NPEPPS: variants seen among roughly 807,000 people sequenced by gnomAD.
The protein encoded by NPEPPS is aminopeptidase puromycin sensitive, also known as puromycin-sensitive aminopeptidase.
Under a neutral mutation model 115.5 loss-of-function variants are expected in NPEPPS, and 14 were observed. That is an observed-to-expected ratio of 0.12 (90% confidence interval 0.08 to 0.19). NPEPPS has a LOEUF of 0.19. Ranked by LOEUF, NPEPPS falls within the 10% of genes least tolerant of loss-of-function variation. The pLI is 1.00. For missense variants in NPEPPS, 523 were observed against 1,110.8 expected, an observed-to-expected ratio of 0.47 and a Z score of 7.52; for synonymous variants, 285 against 390.6, an observed-to-expected ratio of 0.73 and a Z score of 3.19.
chr17:47,590,056 T>TG (rs1567860575), intron 9 of NPEPPS, among the ~76,000 whole-genome samples: 1 of 152,154 alleles, frequency 6.6e-6, no homozygotes, highest in African/African-American at 2.4e-5. Context: ...TAGGACTGAA[T>TG]GCACTGGCTT....
intron 12 of NPEPPS, among the ~76,000 whole-genome samples, chr17:47,593,209 C>T (rs887221033): frequency 3.3e-5 from 5 of 152,220 alleles, no homozygotes; most frequent in Admixed American, 6.5e-5. Flanking sequence ...AATCAGGACT[C>T]GTTATCCCTT....
intron 17 of NPEPPS, among the ~76,000 whole-genome samples, chr17:47,612,114 T>C (rs1913908792): frequency 6.6e-6 from 1 of 152,248 alleles, no homozygotes; most frequent in Non-Finnish European, 1.5e-5. Flanking sequence ...ATGTGATCTT[T>C]CTTTGAACCT....
chr17:47,603,883 T>G, intron 15 of NPEPPS, 32 bp from the exon 16 acceptor site: 1 of 1,565,102 alleles, frequency 6.4e-7, no homozygotes, highest in Middle Eastern at 1.7e-4. Context: ...TTAATGGAGC[T>G]GTTTAATAGT....
chr17:47,544,659 G>A (rs1415910988), intron 1 of NPEPPS, among the ~76,000 whole-genome samples: 2 of 150,412 alleles, frequency 1.3e-5, no homozygotes, highest in Non-Finnish European at 3.0e-5. Flanking sequence ...TCAGCCCCCT[G>A]AGTAGCTGGA....
chr17:47,571,820 T>C (rs1168757219), intron 3 of NPEPPS, among the ~76,000 whole-genome samples: 1 of 152,204 alleles, frequency 6.6e-6, no homozygotes, highest in Non-Finnish European at 1.5e-5. Context: ...TCTGCTGCAT[T>C]GTCTGGTGAA....
intron 22 of NPEPPS, 84 bp from the exon 23 acceptor site, chr17:47,621,684 G>T: frequency 3.8e-6 from 5 of 1,323,154 alleles, no homozygotes; most frequent in Non-Finnish European, 3.1e-6. Context: ...CCTTCATATA[G>T]ACCAGTGGGT....
intron 2 of NPEPPS, among the ~76,000 whole-genome samples, chr17:47,561,158 C>G (rs770526492): frequency 6.6e-6 from 1 of 151,708 alleles, no homozygotes; most frequent in African/African-American, 2.4e-5. Flanking sequence ...CCTCAGAATA[C>G]CATCTTGTAC....
chr17:47,543,968 C>A (rs1417853660), intron 1 of NPEPPS, among the ~76,000 whole-genome samples: 1 of 151,180 alleles, frequency 6.6e-6, no homozygotes, highest in Non-Finnish European at 1.5e-5. Flanking sequence ...AATCTCCGCT[C>A]ACTGCAAGCT....
rs760897436 is a variant in NPEPPS at position 47,537,883 on chromosome 17, GT to G, written c.255+6339del. Among the ~76,000 whole-genome samples, 152 of 141,860 alleles carry G rather than the reference GT, an allele frequency of 1.1e-3. 1 individual carries two copies. Among genetic ancestry groups the G allele is most frequent in the Middle Eastern group, 3.7e-3 (1 of 272 alleles). 93.1% of individuals were successfully genotyped at this position (141,860 alleles called of 152,430 possible). A position where few individuals can be genotyped will look rare whatever the true frequency, so the allele number is the denominator to read the frequency against. ...ACTATAATTTATCAGTTTCATATCT[GT>G]TTTTTTTTTTCTTTTTTTTTTCTTT... On this transcript the variant is annotated intron_variant, in intron 1 of 22. Transcript: ENST00000322157.
chr17:47,595,096 A>C (rs1418637617), intron 12 of NPEPPS, among the ~76,000 whole-genome samples: 1 of 151,646 alleles, frequency 6.6e-6, no homozygotes, highest in African/African-American at 2.4e-5. Context: ...ATGCCCAGCT[A>C]ATTTTTGTAT....
At chr17:47,601,529 T>TC in intron 14 of NPEPPS, 79 bp from the exon 15 acceptor site, 2 of 1,539,934 alleles carry the variant, frequency 1.3e-6, no homozygotes, top group South Asian at 2.3e-5. Flanking sequence ...AGGCTCCTGG[T>TC]TAGAACACCA....
chr17:47,598,060 T>C (rs1001207567), intron 13 of NPEPPS, among the ~76,000 whole-genome samples: 10 of 152,246 alleles, frequency 6.6e-5, no homozygotes, highest in African/African-American at 2.4e-4. Flanking sequence ...AGTCTTGTTA[T>C]AGGAGATGAC....
intron 2 of NPEPPS, among the ~76,000 whole-genome samples, chr17:47,553,009 T>C (rs1200296847): frequency 6.6e-6 from 1 of 152,150 alleles, no homozygotes; most frequent in Admixed American, 6.5e-5. Flanking sequence ...GTCATTAATA[T>C]AACCGCACCA....
intron 1 of NPEPPS, among the ~76,000 whole-genome samples, chr17:47,538,526 C>CTTTT (rs1029993473): frequency 1.2e-4 from 13 of 104,420 alleles, no homozygotes; most frequent in Admixed American, 2.1e-4. Flanking sequence ...TATCTGTTTT[C>CTTTT]TTTTTTTTTT....
intron 2 of NPEPPS, among the ~76,000 whole-genome samples, chr17:47,568,734 C>CA (rs1910995616): frequency 6.6e-6 from 1 of 152,194 alleles, no homozygotes; most frequent in Admixed American, 6.5e-5. Flanking sequence ...TGGCTCACTG[C>CA]AACCTCCGCC....
Position 47,612,550 on chromosome 17 carries a change from T to A in NPEPPS, c.2186T>A (p.Phe729Tyr). The change falls in exon 18 of 23, where the codon TTT becomes TAT. Residue 729 changes from phenylalanine (F) to tyrosine (Y), a missense_variant. Physicochemically the swap from Phe to Tyr is conservative, Grantham distance 22. Coordinates refer to ENST00000322157, the MANE Select transcript of NPEPPS (RefSeq NM_006310.4). ...KATLEEARRR[F>Y]KDHVEGKQIL... ...ACGTTAGAAGAAGCCCGTCGTCGGTTTAAGGACCACGTGGAAGGAAAACAG... is the reference window on the plus strand; with the variant it reads ...ACGTTAGAAGAAGCCCGTCGTCGGTATAAGGACCACGTGGAAGGAAAACAG... 6.2e-7 allele frequency: 1 copy of A among 1,613,314 alleles called. No individual in the cohort carries two copies. The highest frequency in any genetic ancestry group is 8.5e-7 in the Non-Finnish European group (1 of 1,179,330).
intron 2 of NPEPPS, among the ~76,000 whole-genome samples, chr17:47,568,659 A>ATT (rs1248462266): frequency 6.8e-6 from 1 of 146,992 alleles, no homozygotes; most frequent in African/African-American, 2.5e-5. Flanking sequence ...ACAACAAATA[A>ATT]TTTTTTTTTT....
intron 21 of NPEPPS, 47 bp from the exon 22 acceptor site, chr17:47,619,690 T>C (rs1352112644): frequency 1.3e-6 from 2 of 1,505,824 alleles, no homozygotes; most frequent in South Asian, 2.3e-5. Context: ...GGAAGTTTGT[T>C]CTCAGCCTCT....
chr17:47,614,334 C>T (rs1425304415), intron 19 of NPEPPS, among the ~76,000 whole-genome samples: 1 of 152,154 alleles, frequency 6.6e-6, no homozygotes, highest in African/African-American at 2.4e-5. Context: ...ATTTTATCTT[C>T]AGTGTAAACT....
Sources: gnomAD v4.1 joint callset for allele counts (sites outside exome capture counted in the v4.1 genomes callset) on GRCh38, gnomAD v4.1.1 for gene constraint, MANE v1.5 for transcripts, NCBI Gene and HGNC (gene_info 2026-07-23, HGNC 2026-07-21) for gene names.